PARN: variants seen among roughly 807,000 people sequenced by gnomAD.
PARN encodes poly(A)-specific ribonuclease PARN.
In PARN, 71 loss-of-function variants were observed where a neutral mutation model predicts 102.8. The ratio of observed to expected loss-of-function variants is 0.69; its 90% CI spans 0.57 to 0.84. The LOEUF is 0.84. Among genes scored for constraint, PARN ranks in the 40% least tolerant of loss-of-function variants. The probability of loss-of-function intolerance (pLI) is 0.00; values close to 1 mark genes in which losing one functional copy is unlikely to be tolerated. For synonymous variants in PARN, 261 were observed against 252.9 expected, an observed-to-expected ratio of 1.03 and a Z score of -0.30; for missense variants, 782 against 760.9, an observed-to-expected ratio of 1.03 and a Z score of -0.33.
intron 22 of PARN, among the ~76,000 whole-genome samples, chr16:14,465,673 T>A (rs983457076): frequency 6.6e-6 from 1 of 152,036 alleles, no homozygotes. Context: ...CTGAAGTTCA[T>A]AGGGAAATAC....
At chr16:14,586,709 G>A (rs913446898) in intron 13 of PARN, among the ~76,000 whole-genome samples, 1 of 152,120 alleles carries the variant, frequency 6.6e-6, no homozygotes, top group Non-Finnish European at 1.5e-5. Context: ...TCCAGTAATA[G>A]CTAACAGGCT....
At chr16:14,531,258 T>C (rs1259722492) in intron 21 of PARN, among the ~76,000 whole-genome samples, 1 of 152,004 alleles carries the variant, frequency 6.6e-6, no homozygotes, top group African/African-American at 2.4e-5. Context: ...GGCAGGAGAA[T>C]TGCTAGAACC....
At chr16:14,568,911 A>G (rs1322370483) in intron 18 of PARN, among the ~76,000 whole-genome samples, 1 of 151,460 alleles carries the variant, frequency 6.6e-6, no homozygotes, top group Non-Finnish European at 1.5e-5. Flanking sequence ...ATTAAATTAA[A>G]TTAAATTTTT....
chr16:14,555,713 C>CA lies in PARN; in HGVS notation c.1263-5dup. The CA allele has an allele frequency of 6.9e-7, 1 of 1,457,550 alleles. No individual in the cohort carries two copies. 90.3% of individuals were successfully genotyped at this position (1,457,550 alleles called of 1,614,324 possible). On this transcript the variant is annotated splice_polypyrimidine_tract_variant and splice_region_variant and intron_variant, in intron 18 of 23. Transcript: ENST00000437198. ...CATGACCCTCATAAGAAATAACCTA[C>CA]AAGAAGAAAAGACAAACAAGTAATG...
intron 21 of PARN, among the ~76,000 whole-genome samples, chr16:14,485,106 G>T (rs1372250284): frequency 6.6e-6 from 1 of 152,230 alleles, no homozygotes; most frequent in African/African-American, 2.4e-5. Flanking sequence ...TCCCAAAGAA[G>T]TGGAGTGGGT....
At chr16:14,443,002 T>A (rs1961013681) in intron 23 of PARN, among the ~76,000 whole-genome samples, 1 of 152,240 alleles carries the variant, frequency 6.6e-6, no homozygotes, top group Non-Finnish European at 1.5e-5. Context: ...CTCTAAAGTC[T>A]GGATGAGTTT....
Position 14,630,158 on chromosome 16 carries a change from G to A in PARN, c.-33C>T, listed in dbSNP as rs1436586762. 2.6e-6 allele frequency: 4 copies of A among 1,548,070 alleles called. No homozygotes were observed. The highest frequency in any genetic ancestry group is 3.5e-6 in the Non-Finnish European group (4 of 1,144,022). On this transcript the variant is annotated 5_prime_UTR_variant, in exon 1 of 24. Coordinates refer to ENST00000437198, the MANE Select transcript of PARN (RefSeq NM_002582.4). ...AGTGGCCGGAACCTTGGCCCCACCC[G>A]GGCCCGCGCCCGCCTCAGCGGTTCT...
chr16:14,543,723 T>A (rs1567367054), intron 21 of PARN, among the ~76,000 whole-genome samples: 1 of 152,072 alleles, frequency 6.6e-6, no homozygotes, highest in Non-Finnish European at 1.5e-5. Flanking sequence ...AAAACAGAAT[T>A]CTTTTTAAAA....
chr16:14,626,353 T>C (rs575294170), intron 5 of PARN, among the ~76,000 whole-genome samples: 1 of 152,340 alleles, frequency 6.6e-6, no homozygotes, highest in African/African-American at 2.4e-5. Flanking sequence ...CACTATTTTA[T>C]GCCCAGGCTG....
intron 21 of PARN, among the ~76,000 whole-genome samples, chr16:14,487,400 T>C (rs1346175173): frequency 6.6e-6 from 1 of 152,244 alleles, no homozygotes; most frequent in African/African-American, 2.4e-5. Context: ...TTACTTAAAA[T>C]GTTTAGACTT....
At chr16:14,515,302 G>C (rs142552184) in intron 21 of PARN, among the ~76,000 whole-genome samples, 8 of 152,086 alleles carry the variant, frequency 5.3e-5, no homozygotes, top group Non-Finnish European at 1.2e-4. Context: ...CAGATGTCCC[G>C]AATATAAACA....
chr16:14,577,524 G>T (rs1969219124), intron 18 of PARN, among the ~76,000 whole-genome samples: 1 of 151,662 alleles, frequency 6.6e-6, no homozygotes, highest in East Asian at 1.9e-4. Context: ...TGTATAGACT[G>T]GGTTTTGCCA....
intron 18 of PARN, among the ~76,000 whole-genome samples, chr16:14,562,066 C>A (rs994259501): frequency 2.0e-5 from 3 of 152,106 alleles, no homozygotes; most frequent in Admixed American, 6.5e-5. Context: ...GCAGGAGAAT[C>A]GCTTAAACCT....
intron 5 of PARN, among the ~76,000 whole-genome samples, chr16:14,623,151 G>A (rs1357027182): frequency 1.3e-5 from 2 of 151,446 alleles, no homozygotes; most frequent in Non-Finnish European, 2.9e-5. Flanking sequence ...ATGTCTATAT[G>A]TATACATGTA....
chr16:14,613,920 GA>G (rs2151802220), intron 6 of PARN, among the ~76,000 whole-genome samples: 1 of 152,188 alleles, frequency 6.6e-6, no homozygotes, highest in East Asian at 1.9e-4. Context: ...CAGAGCAAGT[GA>G]ATCAGAAGCA....
chr16:14,493,591 C>T (rs1964164029), intron 21 of PARN, among the ~76,000 whole-genome samples: 2 of 152,246 alleles, frequency 1.3e-5, no homozygotes, highest in Admixed American at 6.5e-5. Flanking sequence ...TCCTAAGAAG[C>T]CTGCAATCTG....
intron 21 of PARN, among the ~76,000 whole-genome samples, chr16:14,538,988 G>A (rs1966737304): frequency 6.6e-6 from 1 of 152,116 alleles, no homozygotes; most frequent in African/African-American, 2.4e-5. Flanking sequence ...CCCCAGATGG[G>A]ACTGTCTAGT....
At chr16:14,522,199 A>C (rs973395038) in intron 21 of PARN, among the ~76,000 whole-genome samples, 8 of 152,234 alleles carry the variant, frequency 5.3e-5, no homozygotes, top group Non-Finnish European at 1.0e-4. Context: ...TCAAACACCA[A>C]TACTACAGAG....
rs1052939058 is a variant in PARN at position 14,554,105 on chromosome 16, T to C, written c.1365A>G (p.Glu455=). 1 of 1,613,558 alleles carries C rather than the reference T, an allele frequency of 6.2e-7. No homozygotes were observed. The highest frequency in any genetic ancestry group is 8.5e-7 in the Non-Finnish European group (1 of 1,179,708). Residue 455 remains glutamate, a synonymous_variant, in exon 20 of 24, where the codon GAA becomes GAG. Transcript: ENST00000437198. ...DHVLHVTFPK[E]WKTSDLYQLF... ...GCTGGTAAAGGTCGCTGGTTTTCCA[T>C]TCTTTGGGGAATGTCACATGGAGAA... is the stretch of plus-strand genomic sequence containing the variant.
Sources: gnomAD v4.1 joint callset for allele counts (sites outside exome capture counted in the v4.1 genomes callset) on GRCh38, gnomAD v4.1.1 for gene constraint, MANE v1.5 for transcripts, NCBI Gene and HGNC (gene_info 2026-07-23, HGNC 2026-07-21) for gene names.